DNAH3: variants seen among roughly 807,000 people sequenced by gnomAD.
DNAH3 encodes the protein axonemal beta dynein heavy chain 3.
Under a neutral mutation model 432.5 loss-of-function variants are expected in DNAH3, and 332 were observed. The ratio of observed to expected loss-of-function variants is 0.77; its 90% CI spans 0.70 to 0.84. DNAH3 has a LOEUF of 0.84. Ranked by LOEUF, DNAH3 falls within the 40% of genes least tolerant of loss-of-function variation. DNAH3 has a pLI of 0.00. For missense variants in DNAH3, 4,861 were observed against 5,114.0 expected (o/e 0.95, Z 1.51); for synonymous variants, 1,956 against 1,900.2 (o/e 1.03, Z -0.76).
chr16:20,963,212 A>C lies in DNAH3; in HGVS notation c.10600+72T>G. The C allele has an allele frequency of 2.1e-6, 3 of 1,423,400 alleles. No homozygotes were observed. The East Asian group carries it at 6.9e-5, about 33-fold the overall frequency. 88.2% of individuals were successfully genotyped at this position (1,423,400 alleles called of 1,614,324 possible). On this transcript the variant is annotated intron_variant, in intron 53 of 61. Transcript: ENST00000261383. ...ATCTGAACTTGAGATCCCTGCTGTA[A>C]GGGACGGGCTACTGATATCCACCCA...
At chr16:21,017,600 G>A (rs938983569) in intron 41 of DNAH3, among the ~76,000 whole-genome samples, 16 of 152,086 alleles carry the variant, frequency 1.1e-4, no homozygotes, top group Non-Finnish European at 2.2e-4. Flanking sequence ...GTATAAAACC[G>A]TGCTCTGGCC....
Position 21,106,251 on chromosome 16 carries a change from C to G in DNAH3, c.2284+239G>C, listed in dbSNP as rs113178902. On this transcript the variant is annotated intron_variant, in intron 15 of 61. Transcript: ENST00000261383. ...GTCTCCTTTGTGTCTAACAAGATTC[C>G]TTTTGTGTGATTCAAATTACTGTGG... Among the ~76,000 whole-genome samples the G allele has an allele frequency of 2.9e-3, 444 of 151,110 alleles. 2 individuals are homozygous for G. The highest frequency in any genetic ancestry group is 8.8e-3 in the African/African-American group (363 of 41,194).
intron 41 of DNAH3, among the ~76,000 whole-genome samples, chr16:21,005,971 A>G (rs746604031): frequency 3.3e-5 from 5 of 152,068 alleles, no homozygotes; most frequent in African/African-American, 1.2e-4. Flanking sequence ...TCCTTAGAGC[A>G]TAGCATACTC....
chr16:21,142,606 T>C (rs977128436), intron 3 of DNAH3, among the ~76,000 whole-genome samples: 4 of 152,046 alleles, frequency 2.6e-5, no homozygotes, highest in African/African-American at 9.7e-5. Flanking sequence ...AAAGTGTCTA[T>C]CTTTGAACTT....
At chr16:20,948,575 G>A (rs1366627368) in exon 57 of DNAH3, 7 of 1,614,036 alleles carry the variant, frequency 4.3e-6, no homozygotes, top group Non-Finnish European at 5.9e-6. Context: ...AACATGGACA[G>A]AAGTGACAGC....
At chr16:21,067,200 G>T in intron 24 of DNAH3, 83 bp downstream of exon 24, 1 of 1,520,232 alleles carries the variant, frequency 6.6e-7, no homozygotes, top group Non-Finnish European at 9.1e-7. Flanking sequence ...ATTGGTTGAA[G>T]CCAACTCTTG....
intron 35 of DNAH3, 132 bp from the exon 36 acceptor site, chr16:21,034,217 C>A (rs946921907): frequency 1.7e-6 from 1 of 596,784 alleles, no homozygotes. Context: ...TGGAGAACTT[C>A]GGTTCTTTTC....
chr16:20,984,744 A>G (rs1368697643), intron 48 of DNAH3, among the ~76,000 whole-genome samples: 1 of 152,116 alleles, frequency 6.6e-6, no homozygotes, highest in Non-Finnish European at 1.5e-5. Context: ...ACGCGCCTGC[A>G]ATCACAGCTA....
At chr16:20,986,966 A>C (rs1221818336) in intron 47 of DNAH3, among the ~76,000 whole-genome samples, 1 of 152,240 alleles carries the variant, frequency 6.6e-6, no homozygotes, top group Non-Finnish European at 1.5e-5. Context: ...GACCTCAGTC[A>C]AATCATGACA....
chr16:21,086,446 G>A (rs567660078), intron 19 of DNAH3, among the ~76,000 whole-genome samples: 3 of 152,290 alleles, frequency 2.0e-5, no homozygotes, highest in African/African-American at 7.2e-5. Flanking sequence ...AACCCCCAGG[G>A]AGAGATGTGA....
At chr16:21,067,779 G>GAGAGAGAGAT (rs1165976916) in intron 23 of DNAH3, among the ~76,000 whole-genome samples, 1 of 72,582 alleles carries the variant, frequency 1.4e-5, no homozygotes, top group South Asian at 5.6e-4. Flanking sequence ...TGGGGAGGGA[G>GAGAGAGAGAT]AGAGAGAGAG....
chr16:21,094,021 T>C (rs1597364173), intron 18 of DNAH3, among the ~76,000 whole-genome samples: 1 of 152,250 alleles, frequency 6.6e-6, no homozygotes, highest in Non-Finnish European at 1.5e-5. Flanking sequence ...TTAGAGATGA[T>C]ACCAAGAGCA....
At chr16:20,985,199 G>A in exon 48 of DNAH3, 2 of 1,614,134 alleles carry the variant, frequency 1.2e-6, no homozygotes, top group African/African-American at 2.7e-5. Context: ...AAGATGTTAG[G>A]CACGTCACCT....
At chr16:21,007,576 T>C (rs1431200844) in intron 41 of DNAH3, among the ~76,000 whole-genome samples, 3 of 151,908 alleles carry the variant, frequency 2.0e-5, no homozygotes, top group African/African-American at 4.8e-5. Flanking sequence ...TTTTTATTAT[T>C]AAATTATCAT....
At chr16:21,033,407 C>T (rs909958575) in intron 36 of DNAH3, among the ~76,000 whole-genome samples, 2 of 152,182 alleles carry the variant, frequency 1.3e-5, no homozygotes, top group Non-Finnish European at 2.9e-5. Flanking sequence ...AGGCACTGTG[C>T]TCAGTTATTT....
intron 14 of DNAH3, among the ~76,000 whole-genome samples, chr16:21,107,949 G>A (rs913525750): frequency 4.0e-5 from 6 of 151,472 alleles, no homozygotes; most frequent in Admixed American, 6.6e-5. Context: ...GGCAACCTCC[G>A]CCTCCTCCCA....
rs769115860 is a variant in DNAH3, at chr16:20,975,292, GA to G, written c.8199del (p.Leu2734TrpfsTer27). On this transcript the variant is annotated frameshift_variant, in exon 51 of 62. Coordinates refer to ENST00000261383, the Ensembl canonical transcript of DNAH3. LOFTEE classifies it high-confidence loss of function. Reference sequence around the variant, plus strand: ...GCTTCTTTTTCATCTGCCTGCACCAGAAGTTTCTTTCCATCAGCTTCTCTCG... The same window carrying G: ...GCTTCTTTTTCATCTGCCTGCACCAGAGTTTCTTTCCATCAGCTTCTCTCG... 7 of 1,614,014 alleles carry G rather than the reference GA, an allele frequency of 4.3e-6. No individual in the cohort carries two copies. In the African/African-American group the frequency reaches 9.3e-5, roughly 22 times the overall value.
chr16:21,104,628 G>T lies in DNAH3; in HGVS notation c.2285-76C>A, dbSNP rs759304799. On this transcript the variant is annotated intron_variant, in intron 15 of 61. Transcript: ENST00000261383. ...CACATACTGCCTGCTCCAGGACACT[G>T]TTTAGCATAGGTCGGGTCAGCATGT... The T allele has an allele frequency of 2.3e-5, 30 of 1,292,268 alleles. 1 individual carries two copies. In the South Asian group the frequency reaches 3.3e-4, roughly 14 times the overall value. The allele number at this position is 1,292,268 out of a possible 1,614,324, so 80.1% of individuals were successfully genotyped here.
intron 52 of DNAH3, among the ~76,000 whole-genome samples, chr16:20,965,641 C>G (rs2085021834): frequency 6.6e-6 from 1 of 152,218 alleles, no homozygotes; most frequent in Non-Finnish European, 1.5e-5. Context: ...GTGCTTCTTA[C>G]CATGAGCCCT....
Sources: gnomAD v4.1 joint callset for allele counts (sites outside exome capture counted in the v4.1 genomes callset) on GRCh38, gnomAD v4.1.1 for gene constraint, MANE v1.5 for transcripts, NCBI Gene and HGNC (gene_info 2026-07-23, HGNC 2026-07-21) for gene names.